DTNA: variants seen among roughly 807,000 people sequenced by gnomAD.
DTNA encodes the protein dystrobrevin alpha.
DTNA carries 43 observed loss-of-function variants against 100.7 expected under a neutral mutation model. The ratio of observed to expected loss-of-function variants is 0.43; its 90% CI spans 0.33 to 0.55. The LOEUF is 0.55. Ranked by LOEUF, DTNA falls within the 20% of genes least tolerant of loss-of-function variation. DTNA has a pLI of 0.04. For synonymous variants in DTNA, 349 were observed against 347.9 expected, an observed-to-expected ratio of 1.00 and a Z score of -0.04; for missense variants, 798 against 953.9, an observed-to-expected ratio of 0.84 and a Z score of 2.15.
At chr18:34,605,172 G>A (rs2052766618) in intron 1 of DTNA, among the ~76,000 whole-genome samples, 1 of 150,958 alleles carries the variant, frequency 6.6e-6, no homozygotes, top group Non-Finnish European at 1.5e-5. Context: ...ATTTTTTCTT[G>A]GAATTTTCCC....
intron 1 of DTNA, among the ~76,000 whole-genome samples, chr18:34,732,307 C>G (rs933593349): frequency 1.8e-4 from 28 of 152,284 alleles, no homozygotes; most frequent in Non-Finnish European, 8.8e-5. Context: ...GGACAATGTG[C>G]TCTGTGCTGT....
chr18:34,578,202 G>T (rs934848538), intron 1 of DTNA, among the ~76,000 whole-genome samples: 2 of 151,750 alleles, frequency 1.3e-5, no homozygotes, highest in Admixed American at 1.3e-4. Flanking sequence ...TTTTGGTTTT[G>T]ATTTGCATTT....
At chr18:34,711,708 C>T (rs990301719) in intron 1 of DTNA, among the ~76,000 whole-genome samples, 5 of 152,084 alleles carry the variant, frequency 3.3e-5, no homozygotes, top group Non-Finnish European at 7.4e-5. Flanking sequence ...TATTTATGCT[C>T]TGTGATTTTC....
At chr18:34,821,022 A>C in intron 9 of DTNA, 107 bp downstream of exon 9, 3 of 1,525,132 alleles carry the variant, frequency 2.0e-6, no homozygotes. Flanking sequence ...AAGATTTTTA[A>C]TTTAGTTTAA....
At chr18:34,638,208 G>A (rs1287200306) in intron 1 of DTNA, among the ~76,000 whole-genome samples, 1 of 152,074 alleles carries the variant, frequency 6.6e-6, no homozygotes, top group Non-Finnish European at 1.5e-5. Flanking sequence ...TATTCTCTTA[G>A]GTATCCAAAT....
At chr18:34,868,667 T>G in intron 17 of DTNA, 1 of 985,422 alleles carries the variant, frequency 1.0e-6, no homozygotes, top group Non-Finnish European at 1.2e-6. Flanking sequence ...GCATATATAA[T>G]TTCTACTTAC....
intron 1 of DTNA, among the ~76,000 whole-genome samples, chr18:34,640,915 T>C (rs1370171739): frequency 1.3e-5 from 2 of 152,110 alleles, no homozygotes; most frequent in Admixed American, 1.3e-4. Context: ...GTGGCGGATG[T>C]TGTTGTTGGG....
At chr18:34,498,771 C>A (rs972105351) in intron 1 of DTNA, among the ~76,000 whole-genome samples, 1 of 151,940 alleles carries the variant, frequency 6.6e-6, no homozygotes, top group African/African-American at 2.4e-5. Context: ...TCACATACCC[C>A]AAAATAGACA....
At chr18:34,769,414 C>A (rs933291904) in intron 3 of DTNA, among the ~76,000 whole-genome samples, 1 of 152,104 alleles carries the variant, frequency 6.6e-6, no homozygotes, top group Non-Finnish European at 1.5e-5. Context: ...CTGCAATAAA[C>A]CTAACCCACA....
In DTNA at chr18:34,650,205, C is replaced by A. The variant is rs144479081; in HGVS notation, c.-1-105771C>A. ...GGCACCTGGCACCTGAAAATCTTCA[C>A]TTCCTGAAAGCCAAGTGTTTGAAGA... is the stretch of plus-strand genomic sequence containing the variant. On this transcript the variant is annotated intron_variant, in intron 1 of 19. Coordinates refer to the DTNA transcript ENST00000283365. 3.3e-3 allele frequency among the ~76,000 whole-genome samples: 496 copies of A among 152,248 alleles called. 3 individuals are homozygous for A. Among genetic ancestry groups the A allele is most frequent in the African/African-American group, 0.011 (462 of 41,554 alleles).
At chr18:34,516,551 A>G (rs1001923851) in intron 1 of DTNA, among the ~76,000 whole-genome samples, 11 of 152,034 alleles carry the variant, frequency 7.2e-5, no homozygotes, top group African/African-American at 2.7e-4. Flanking sequence ...TTCATACCTT[A>G]TCTACAACCA....
At chr18:34,815,753 A>G (rs1221863205) in intron 6 of DTNA, 156 bp from the exon 7 acceptor site, 14 of 686,390 alleles carry the variant, frequency 2.0e-5, no homozygotes, top group Non-Finnish European at 7.6e-6. Context: ...TCAGTTCTAA[A>G]CTAGTTTAAT....
chr18:34,791,461 C>G (rs955821135), intron 3 of DTNA, among the ~76,000 whole-genome samples: 45 of 152,112 alleles, frequency 3.0e-4, no homozygotes, highest in African/African-American at 1.1e-3. Flanking sequence ...CAGATCAAAT[C>G]TATAGGGAGT....
chr18:34,834,224 G>A (rs1273537103), intron 11 of DTNA, among the ~76,000 whole-genome samples: 2 of 152,058 alleles, frequency 1.3e-5, no homozygotes, highest in East Asian at 1.9e-4. Context: ...GGCTGGGCAC[G>A]GTGGCTCACG....
intron 1 of DTNA, among the ~76,000 whole-genome samples, chr18:34,681,463 C>T (rs1277589609): frequency 6.6e-6 from 1 of 152,042 alleles, no homozygotes; most frequent in Non-Finnish European, 1.5e-5. Context: ...AAGTAGATTA[C>T]CAATGCCCCC....
At chr18:34,822,911 T>C (rs1218468612) in intron 9 of DTNA, among the ~76,000 whole-genome samples, 1 of 152,214 alleles carries the variant, frequency 6.6e-6, no homozygotes, top group African/African-American at 2.4e-5. Context: ...AATACTGATC[T>C]CTACTCACTG....
chr18:34,878,512 C>A (rs1303639696), intron 19 of DTNA, among the ~76,000 whole-genome samples: 1 of 151,864 alleles, frequency 6.6e-6, no homozygotes, highest in African/African-American at 2.4e-5. Flanking sequence ...GCCTTTTTTC[C>A]CCAGGCTGGT....
rs540820056 is a variant in DTNA, at chr18:34,719,876, G to A, written c.-2+9431G>A. Among the ~76,000 whole-genome samples, 365 of 152,196 alleles carry A rather than the reference G, an allele frequency of 2.4e-3. 3 individuals are homozygous for A. Among genetic ancestry groups the A allele is most frequent in the African/African-American group, 8.5e-3 (355 of 41,522 alleles). ...AGTTGAAGTTTTTACCTCAAAGAATGGGCCTCATTGAAATGTTCTATATAC... is the reference window on the plus strand; with the variant it reads ...AGTTGAAGTTTTTACCTCAAAGAATAGGCCTCATTGAAATGTTCTATATAC... On this transcript the variant is annotated intron_variant, in intron 1 of 22. Coordinates refer to ENST00000444659, the MANE Select transcript of DTNA (RefSeq NM_001386795.1).
chr18:34,637,743 T>G (rs944955852), intron 1 of DTNA, among the ~76,000 whole-genome samples: 1 of 152,216 alleles, frequency 6.6e-6, no homozygotes, highest in African/African-American at 2.4e-5. Flanking sequence ...AAGCAGTTTA[T>G]TAAATTCTGT....
Sources: gnomAD v4.1 joint callset for allele counts (sites outside exome capture counted in the v4.1 genomes callset) on GRCh38, gnomAD v4.1.1 for gene constraint, MANE v1.5 for transcripts, NCBI Gene and HGNC (gene_info 2026-07-23, HGNC 2026-07-21) for gene names.